LAMB4: variants seen among roughly 807,000 people sequenced by gnomAD.
The protein encoded by LAMB4 is laminin subunit beta-4.
In LAMB4, 196 loss-of-function variants were observed where a neutral mutation model predicts 199.2. The ratio of observed to expected loss-of-function variants is 0.98; its 90% CI spans 0.88 to 1.11. The LOEUF (loss-of-function observed/expected upper bound fraction) is 1.11. LAMB4 is among the 50% of genes least tolerant of loss of function. The pLI, the probability that LAMB4 is intolerant of heterozygous loss-of-function variation, is 0.00. For synonymous variants in LAMB4, 744 were observed against 770.6 expected, an observed-to-expected ratio of 0.97 and a Z score of 0.57; for missense variants, 2,080 against 2,171.2, an observed-to-expected ratio of 0.96 and a Z score of 0.83.
chr7:108,109,137 A>T, intron 5 of LAMB4, 34 bp downstream of exon 5: 1 of 1,474,670 alleles, frequency 6.8e-7, no homozygotes, highest in Non-Finnish European at 9.5e-7. Flanking sequence ...TAGGGAATAG[A>T]TAAAAGAGGG....
intron 17 of LAMB4, among the ~76,000 whole-genome samples, chr7:108,071,235 AT>A (rs1205490437): frequency 6.6e-6 from 1 of 151,952 alleles, no homozygotes. Flanking sequence ...TAAAAAAATC[AT>A]TTCCTTGTCA....
Position 108,091,754 on chromosome 7 carries a change from A to G in LAMB4, c.1573T>C (p.Cys525Arg), listed in dbSNP as rs780607192. The G allele has an allele frequency of 2.5e-6, 4 of 1,614,104 alleles. No individual in the cohort carries two copies. In the African/African-American group the frequency reaches 5.3e-5, roughly 22 times the overall value. Residue 525 changes from cysteine to arginine, a missense_variant, in exon 14 of 34, where the codon TGT becomes CGT. Coordinates refer to ENST00000388781, the MANE Select transcript of LAMB4 (RefSeq NM_007356.3). The stretch of plus-strand genomic sequence containing the variant: ...CCAGTGACATGTGGGCGGCATTCAC[A>G]CTGCCCATTCTTGGGTGAGCACCTG... ...SNVCSPKNGQ[C>R]ECRPHVTGRS...
Position 108,056,021 on chromosome 7 carries a change from C to A in LAMB4, c.3380-14G>T. ...TACAATCACATGCTAAAAAGGAAAACAGAAGGAGCAGAGAATGTCACTGGG... is the reference window on the plus strand; with the variant it reads ...TACAATCACATGCTAAAAAGGAAAAAAGAAGGAGCAGAGAATGTCACTGGG... On this transcript the variant is annotated splice_polypyrimidine_tract_variant and intron_variant, in intron 24 of 33. Transcript: ENST00000388781. The A allele has an allele frequency of 6.3e-7, 1 of 1,590,532 alleles. No individual in the cohort carries two copies. Among genetic ancestry groups the A allele is most frequent in the Admixed American group, 1.7e-5 (1 of 57,348 alleles).
At position 108,049,543 on chromosome 7, in the gene LAMB4, C is replaced by G. The variant is rs1254848298; in HGVS notation, c.3917-12G>C. The stretch of plus-strand genomic sequence containing the variant: ...GTTTTCTGAGGAGTCTACGTCAATG[C>G]AAATTGAAGTAAGGTAAATTTTGTG... On this transcript the variant is annotated splice_polypyrimidine_tract_variant and intron_variant, in intron 26 of 33. Transcript: ENST00000388781. 6.8e-7 allele frequency: 1 copy of G among 1,480,094 alleles called. No individual in the cohort carries two copies. The highest frequency in any genetic ancestry group is 1.9e-5 in the Admixed American group (1 of 52,632). 91.7% of individuals were successfully genotyped at this position (1,480,094 alleles called of 1,614,324 possible).
At chr7:108,069,187 G>T (rs1217914929) in intron 18 of LAMB4, among the ~76,000 whole-genome samples, 1 of 152,186 alleles carries the variant, frequency 6.6e-6, no homozygotes, top group Admixed American at 6.5e-5. Context: ...ACAAAGTTTG[G>T]AGACATTTTT....
Position 108,115,980 on chromosome 7 carries a change from C to T in LAMB4, c.192+24G>A, listed in dbSNP as rs373948680. ...CATCATTGATTAAATAATGTCCCAG[C>T]AAATAAACAAAGAGCCAACCCACCT... On this transcript the variant is annotated intron_variant, in intron 3 of 33. Transcript: ENST00000388781. 2.5e-6 allele frequency: 4 copies of T among 1,602,106 alleles called. No individual in the cohort carries two copies. In the African/African-American group the frequency reaches 4.0e-5, roughly 16 times the overall value.
intron 2 of LAMB4, among the ~76,000 whole-genome samples, chr7:108,122,358 A>G (rs2038630516): frequency 6.6e-6 from 1 of 152,162 alleles, no homozygotes; most frequent in African/African-American, 2.4e-5. Context: ...GATGAATGAC[A>G]AGTTTCTGTT....
At chr7:108,024,751 A>ATCCG (rs2034776166) in intron 33 of LAMB4, among the ~76,000 whole-genome samples, 2 of 151,920 alleles carry the variant, frequency 1.3e-5, no homozygotes, top group South Asian at 4.1e-4. Flanking sequence ...CCGTCCGTCC[A>ATCCG]TCCGTCCATC....
rs540303027 is a variant in LAMB4 at position 108,129,481 on chromosome 7, C to T, written c.-34+825G>A. Among the ~76,000 whole-genome samples the T allele has an allele frequency of 3.3e-5, 5 of 151,712 alleles. No homozygotes were observed. In the East Asian group the frequency reaches 9.7e-4, roughly 29 times the overall value. ...TGTCAGGACTCATTAGATATTTCAACTGTTTTGCCTAAATTTCATCATAGT... is the reference window on the plus strand; with the variant it reads ...TGTCAGGACTCATTAGATATTTCAATTGTTTTGCCTAAATTTCATCATAGT... On this transcript the variant is annotated intron_variant, in intron 1 of 33. Transcript: ENST00000388781.
chr7:108,113,498 A>G (rs2038302885), intron 3 of LAMB4, among the ~76,000 whole-genome samples: 1 of 152,244 alleles, frequency 6.6e-6, no homozygotes, highest in South Asian at 2.1e-4. Flanking sequence ...AAGAAAGCCA[A>G]AATGCCTTTT....
intron 1 of LAMB4, among the ~76,000 whole-genome samples, chr7:108,124,419 GTA>G (rs770845387): frequency 3.5e-4 from 54 of 152,206 alleles, no homozygotes; most frequent in Admixed American, 7.9e-4. Context: ...GAGCCAAAGA[GTA>G]TATGTGTGTG....
At chr7:108,063,082 G>A in intron 22 of LAMB4, 88 bp from the exon 23 acceptor site, 1 of 730,428 alleles carries the variant, frequency 1.4e-6, no homozygotes, top group Non-Finnish European at 2.1e-6. Flanking sequence ...AGACCTGGAT[G>A]TATCATTTCT....
intron 29 of LAMB4, among the ~76,000 whole-genome samples, chr7:108,041,596 A>G (rs981330514): frequency 1.5e-4 from 23 of 152,200 alleles, no homozygotes; most frequent in African/African-American, 5.3e-4. Context: ...CCTTTGCCAG[A>G]ACATGGATAG....
intron 14 of LAMB4, among the ~76,000 whole-genome samples, chr7:108,081,109 G>A (rs1195673029): frequency 6.6e-6 from 1 of 152,060 alleles, no homozygotes; most frequent in East Asian, 1.9e-4. Context: ...GCGACAGAGC[G>A]AGGAATAAAA....
chr7:108,068,577 T>C (rs1276153678), intron 18 of LAMB4, among the ~76,000 whole-genome samples: 1 of 152,212 alleles, frequency 6.6e-6, no homozygotes, highest in Non-Finnish European at 1.5e-5. Context: ...GGTGTGATCA[T>C]AGCTCACTGT....
At chr7:108,039,470 C>CTTTT (rs61668715) in intron 29 of LAMB4, among the ~76,000 whole-genome samples, 5 of 134,350 alleles carry the variant, frequency 3.7e-5, no homozygotes, top group South Asian at 2.5e-4. Flanking sequence ...TACTTTCTTT[C>CTTTT]TTTTTTTTTT....
chr7:108,024,710 C>A (rs992734968), intron 33 of LAMB4, among the ~76,000 whole-genome samples: 1 of 141,796 alleles, frequency 7.1e-6, no homozygotes, highest in Non-Finnish European at 1.5e-5. Context: ...TCCATCGATC[C>A]ATTGATCCAT....
At chr7:108,110,715 G>A (rs2038193128) in intron 4 of LAMB4, among the ~76,000 whole-genome samples, 1 of 152,086 alleles carries the variant, frequency 6.6e-6, no homozygotes, top group Admixed American at 6.5e-5. Flanking sequence ...TAGATGTGGG[G>A]GTCAAAACAG....
At chr7:108,027,124 A>AGGAGTTACTCCTAGAGTTCT in intron 33 of LAMB4, among the ~76,000 whole-genome samples, 1 of 152,292 alleles carries the variant, frequency 6.6e-6, no homozygotes, top group South Asian at 2.1e-4. Flanking sequence ...CTCCTAGAGT[A>AGGAGTTACTCCTAGAGTTCT]AGGGCCAAGT....
Sources: gnomAD v4.1 joint callset for allele counts (sites outside exome capture counted in the v4.1 genomes callset) on GRCh38, gnomAD v4.1.1 for gene constraint, MANE v1.5 for transcripts, NCBI Gene and HGNC (gene_info 2026-07-23, HGNC 2026-07-21) for gene names.